BTBD9: variants seen among roughly 807,000 people sequenced by gnomAD.
BTBD9 encodes BTB domain containing 9, also known as BTB/POZ domain-containing protein 9.
Under a neutral mutation model 64.3 loss-of-function variants are expected in BTBD9, and 49 were observed. The observed-to-expected ratio is 0.76, with a 90% CI of 0.61 to 0.97. The LOEUF (loss-of-function observed/expected upper bound fraction) is 0.97, where lower values mean the gene tolerates loss of function less well. BTBD9 is among the 50% of genes least tolerant of loss of function. The pLI, the probability that BTBD9 is intolerant of heterozygous loss-of-function variation, is 0.00. For missense variants in BTBD9, 598 were observed against 762.1 expected (o/e 0.78, Z 2.53); for synonymous variants, 260 against 274.7 (o/e 0.95, Z 0.53).
intron 8 of BTBD9, among the ~76,000 whole-genome samples, chr6:38,285,176 G>C (rs573611437): frequency 1.1e-3 from 171 of 152,302 alleles, no homozygotes; most frequent in Non-Finnish European, 2.2e-3. Flanking sequence ...GGGGAACTGG[G>C]GGGCCCAATG....
intron 8 of BTBD9, 29 bp from the exon 9 acceptor site, chr6:38,256,545 T>C: frequency 6.7e-7 from 1 of 1,497,978 alleles, no homozygotes. Flanking sequence ...ATAAGATTGC[T>C]GTAAATGTTT....
chr6:38,442,402 G>A (rs902181566), intron 6 of BTBD9, among the ~76,000 whole-genome samples: 5 of 151,976 alleles, frequency 3.3e-5, no homozygotes, highest in South Asian at 4.2e-4. Flanking sequence ...CCTGGGAGGC[G>A]GAGGTTTCAG....
intron 9 of BTBD9, among the ~76,000 whole-genome samples, chr6:38,239,242 C>T (rs1212335085): frequency 2.0e-5 from 3 of 151,944 alleles, no homozygotes; most frequent in Non-Finnish European, 2.9e-5. Context: ...GAGATCGAGA[C>T]CATCCTGGCC....
In BTBD9 at chr6:38,444,538, C is replaced by T. The variant is rs111795462; in HGVS notation, c.1155-99445G>A. On this transcript the variant is annotated intron_variant, in intron 6 of 10. Transcript: ENST00000481247. ...AAAGTATCCTACGGCCTAGTGATTA[C>T]GAGCTTGGACTCTGGAGCCAGACCA... Among the ~76,000 whole-genome samples the T allele has an allele frequency of 7.3e-3, 1,116 of 152,238 alleles. 9 individuals carry two copies. The highest frequency in any genetic ancestry group is 0.025 in the African/African-American group (1,057 of 41,542).
At chr6:38,502,197 C>T (rs1772238040) in intron 6 of BTBD9, among the ~76,000 whole-genome samples, 1 of 152,164 alleles carries the variant, frequency 6.6e-6, no homozygotes, top group Non-Finnish European at 1.5e-5. Context: ...ATGGTCTGTT[C>T]TAACAGAAGA....
chr6:38,507,697 C>A (rs73428703), intron 6 of BTBD9, among the ~76,000 whole-genome samples: 2,762 of 152,260 alleles, frequency 0.018, 85 homozygotes, highest in African/African-American at 0.063. Context: ...CATAAGCCCC[C>A]CTCTTCTCTT....
chr6:38,486,394 A>C (rs1275491626), intron 6 of BTBD9, among the ~76,000 whole-genome samples: 10 of 152,224 alleles, frequency 6.6e-5, no homozygotes, highest in African/African-American at 1.4e-4. Flanking sequence ...AGCTTTCAAC[A>C]TGCCTTCTTC....
chr6:38,270,350 C>G (rs893624180), intron 8 of BTBD9, among the ~76,000 whole-genome samples: 1 of 152,096 alleles, frequency 6.6e-6, no homozygotes, highest in South Asian at 2.1e-4. Flanking sequence ...CCCACTACCC[C>G]TCTGCATCAC....
intron 1 of BTBD9, among the ~76,000 whole-genome samples, chr6:38,620,423 T>C (rs922253528): frequency 2.2e-4 from 33 of 152,320 alleles, no homozygotes; most frequent in African/African-American, 7.7e-4. Context: ...CCAATTTACA[T>C]GGACGGTTTT....
At chr6:38,252,660 A>G (rs1764442779) in intron 9 of BTBD9, among the ~76,000 whole-genome samples, 1 of 152,250 alleles carries the variant, frequency 6.6e-6, no homozygotes, top group South Asian at 2.1e-4. Flanking sequence ...AAATTTAAAG[A>G]GAGAAAAAGA....
chr6:38,390,426 A>AG (rs1202145120), intron 6 of BTBD9, among the ~76,000 whole-genome samples: 2 of 152,208 alleles, frequency 1.3e-5, no homozygotes, highest in Non-Finnish European at 2.9e-5. Context: ...GATCCAAAAA[A>AG]GTTGTGAGAC....
At position 38,513,027 on chromosome 6, in the gene BTBD9, A is replaced by C. The variant is rs1772843661; in HGVS notation, c.1154+64573T>G. ...GTTGGACCATACACTCCTAGTATAA[A>C]TTCCAAGGAGTTCTTAGTGCCCGAC... On this transcript the variant is annotated intron_variant, in intron 6 of 10. Coordinates refer to ENST00000481247, the MANE Select transcript of BTBD9 (RefSeq NM_001099272.2). Among the ~76,000 whole-genome samples, 5 of 152,338 alleles carry C rather than the reference A, an allele frequency of 3.3e-5. No homozygotes were observed. The South Asian group carries it at 1.0e-3, about 32-fold the overall frequency.
chr6:38,329,612 G>A (rs1763595366), intron 7 of BTBD9, among the ~76,000 whole-genome samples: 1 of 151,802 alleles, frequency 6.6e-6, no homozygotes. Context: ...GCTGAGCCAC[G>A]GCGCCCTGCC....
At chr6:38,458,898 C>A (rs1402723600) in intron 6 of BTBD9, among the ~76,000 whole-genome samples, 1 of 152,158 alleles carries the variant, frequency 6.6e-6, no homozygotes, top group African/African-American at 2.4e-5. Context: ...TTATGAGCAT[C>A]TTTGCCAGTT....
rs74457291 is a variant in BTBD9, at chr6:38,473,277, T to C, written c.1154+104323A>G. On this transcript the variant is annotated intron_variant, in intron 6 of 10. Coordinates refer to ENST00000481247, the MANE Select transcript of BTBD9 (RefSeq NM_001099272.2). ...TGGAACCTCAATAAAAAGAAGTGAG[T>C]TCTCTGATTCATAAATAATGTCCCC... 6.7e-4 allele frequency among the ~76,000 whole-genome samples: 102 copies of C among 152,310 alleles called. 1 individual carries two copies. In the East Asian group the frequency reaches 0.018, roughly 27 times the overall value.
intron 7 of BTBD9, among the ~76,000 whole-genome samples, chr6:38,316,970 AG>A (rs890598084): frequency 2.8e-4 from 42 of 152,204 alleles, no homozygotes; most frequent in African/African-American, 9.4e-4. Flanking sequence ...ATACTATTCT[AG>A]GGTAAAAGGT....
intron 6 of BTBD9, among the ~76,000 whole-genome samples, chr6:38,573,495 C>G (rs907237648): frequency 6.6e-6 from 1 of 152,102 alleles, no homozygotes; most frequent in Non-Finnish European, 1.5e-5. Context: ...CAGTAAACAA[C>G]GCTCCTAATC....
intron 5 of BTBD9, 36 bp from the exon 6 acceptor site, chr6:38,577,755 C>G: frequency 6.3e-7 from 1 of 1,578,058 alleles, no homozygotes. Flanking sequence ...AAAAAATTAC[C>G]ACATTAAAAA....
At chr6:38,615,937 C>T (rs879636387) in intron 1 of BTBD9, among the ~76,000 whole-genome samples, 5 of 152,174 alleles carry the variant, frequency 3.3e-5, no homozygotes, top group Non-Finnish European at 5.9e-5. Context: ...CCCAAGATCC[C>T]TGCTCCCAGA....
Sources: gnomAD v4.1 joint callset for allele counts (sites outside exome capture counted in the v4.1 genomes callset) on GRCh38, gnomAD v4.1.1 for gene constraint, MANE v1.5 for transcripts, NCBI Gene and HGNC (gene_info 2026-07-23, HGNC 2026-07-21) for gene names.